The following SLC5A4 variants were observed in gnomAD, a reference collection of about 807,000 sequenced individuals.
SLC5A4 encodes solute carrier family 5 member 4, also known as probable glucose sensor protein SLC5A4.
In SLC5A4, 55 loss-of-function variants were observed where a neutral mutation model predicts 70.3. The observed-to-expected ratio is 0.78, with a 90% CI of 0.63 to 0.98. The LOEUF (loss-of-function observed/expected upper bound fraction) is 0.98. SLC5A4 is among the 50% of genes least tolerant of loss of function. The probability of loss-of-function intolerance (pLI) is 0.00; values close to 1 mark genes in which losing one functional copy is unlikely to be tolerated. For synonymous variants in SLC5A4, 268 were observed against 305.7 expected, an observed-to-expected ratio of 0.88 and a Z score of 1.29; for missense variants, 735 against 839.2, an observed-to-expected ratio of 0.88 and a Z score of 1.53.
At chr22:32,239,518 T>TTA (rs1173210993) in intron 5 of SLC5A4, among the ~76,000 whole-genome samples, 97 of 25,134 alleles carry the variant, frequency 3.9e-3, no homozygotes, top group Admixed American at 6.2e-3. Flanking sequence ...GGAGTGCATA[T>TTA]TATATATATA....
At chr22:32,302,945 A>G in the SLC5A4 span, among the ~76,000 whole-genome samples, 2 of 152,354 alleles carry the variant, frequency 1.3e-5, no homozygotes, top group South Asian at 2.1e-4. Flanking sequence ...GAGTATTTCA[A>G]TCTGTGAATA....
chr22:32,312,057 G>A, the SLC5A4 span, among the ~76,000 whole-genome samples: 1 of 152,146 alleles, frequency 6.6e-6, no homozygotes, highest in Non-Finnish European at 1.5e-5. Flanking sequence ...TGGTGAGAGG[G>A]AGAGTGCATG....
At chr22:32,270,517 C>T in the SLC5A4 span, 1 of 721,322 alleles carries the variant, frequency 1.4e-6, no homozygotes, top group Admixed American at 1.9e-5. Context: ...CCACCGCAGA[C>T]AGTGATTCCT....
chr22:32,270,439 G>T, the SLC5A4 span: 2 of 1,239,552 alleles, frequency 1.6e-6, no homozygotes, highest in Non-Finnish European at 2.3e-6. Flanking sequence ...GGTGCCTAAG[G>T]AGGAGAAAGA....
the SLC5A4 span, among the ~76,000 whole-genome samples, chr22:32,309,796 T>G: frequency 6.6e-6 from 1 of 152,028 alleles, no homozygotes; most frequent in Non-Finnish European, 1.5e-5. Flanking sequence ...GCAGAGGCTC[T>G]GAGAGGTTAA....
At chr22:32,350,892 T>C in the SLC5A4 span, among the ~76,000 whole-genome samples, 1 of 150,462 alleles carries the variant, frequency 6.6e-6, no homozygotes, top group African/African-American at 2.5e-5. Flanking sequence ...TGCATAAATT[T>C]CTAGAGAAAT....
the SLC5A4 span, among the ~76,000 whole-genome samples, chr22:32,282,148 C>T: frequency 4.6e-5 from 7 of 152,266 alleles, no homozygotes; most frequent in African/African-American, 1.2e-4. Flanking sequence ...CGGCCACTTC[C>T]GTGTTTCTTT....
chr22:32,271,567 G>A, the SLC5A4 span: 1 of 703,678 alleles, frequency 1.4e-6, no homozygotes, highest in Non-Finnish European at 2.6e-6. Context: ...GAGAGGGTCG[G>A]GCCCGGGGCC....
In SLC5A4 at chr22:32,253,261, T is replaced by C. The variant is rs117755765; in HGVS notation, c.207+881A>G. The stretch of plus-strand genomic sequence containing the variant: ...CACTCTCCAGGTGCAGAGGGGAAGA[T>C]ACAGCCTCTGCTGCAGTGGGACCCT... On this transcript the variant is annotated intron_variant, in intron 2 of 14. Transcript: ENST00000266086. Among the ~76,000 whole-genome samples the C allele has an allele frequency of 7.5e-3, 1,137 of 152,280 alleles. 4 individuals carry two copies. The highest frequency in any genetic ancestry group is 0.034 in the Middle Eastern group (10 of 294).
the SLC5A4 span, among the ~76,000 whole-genome samples, chr22:32,330,709 ATTGGG>A: frequency 5.4e-5 from 1 of 18,542 alleles, no homozygotes; most frequent in Non-Finnish European, 9.5e-5. Context: ...CTCTGTGTGT[ATTGGG>A]GGCTCTGGTG....
chr22:32,238,171 A>AAGGTG (rs1926172979), intron 6 of SLC5A4, among the ~76,000 whole-genome samples: 2 of 152,088 alleles, frequency 1.3e-5, no homozygotes, highest in South Asian at 4.1e-4. Flanking sequence ...AGGTGAAGCA[A>AAGGTG]TCATCTTTGT....
upstream of SLC5A4, among the ~76,000 whole-genome samples, chr22:32,257,645 C>T (rs770255952): frequency 3.5e-5 from 5 of 141,344 alleles, no homozygotes; most frequent in South Asian, 1.1e-3. Flanking sequence ...AGCCACTGAA[C>T]CCAGCAAGGT....
At chr22:32,292,767 T>G in the SLC5A4 span, among the ~76,000 whole-genome samples, 2 of 151,326 alleles carry the variant, frequency 1.3e-5, no homozygotes, top group South Asian at 4.1e-4. Context: ...TTGAATGCAT[T>G]GTTCTAGATA....
the SLC5A4 span, among the ~76,000 whole-genome samples, chr22:32,297,048 C>T: frequency 6.7e-6 from 1 of 150,054 alleles, no homozygotes; most frequent in Admixed American, 6.6e-5. Flanking sequence ...CTGCTGGATT[C>T]GTTTTGCCAG....
At chr22:32,239,547 TATATATA>T (rs1926305509) in intron 5 of SLC5A4, among the ~76,000 whole-genome samples, 10 of 13,170 alleles carry the variant, frequency 7.6e-4, no homozygotes, top group South Asian at 1.6e-3. Flanking sequence ...TATATATATA[TATATATA>T]TATATATATA....
chr22:32,317,480 A>G, the SLC5A4 span, among the ~76,000 whole-genome samples: 2 of 151,636 alleles, frequency 1.3e-5, no homozygotes, highest in Admixed American at 1.3e-4. Flanking sequence ...TTATTTTTTT[A>G]GAGACAGGCT....
chr22:32,224,247 A>T lies in SLC5A4; in HGVS notation c.1665+20T>A. ...GAACTCTTATTTAAAATTAGCATGT[A>T]TTCATTACTCATCACTCACATGTAC... On this transcript the variant is annotated intron_variant, in intron 13 of 14. Coordinates refer to ENST00000266086, the MANE Select transcript of SLC5A4 (RefSeq NM_014227.3). 78 of 1,223,270 alleles carry T rather than the reference A, an allele frequency of 6.4e-5. No individual in the cohort carries two copies. Among genetic ancestry groups the T allele is most frequent in the Non-Finnish European group, 8.9e-5 (73 of 824,474 alleles). 75.8% of individuals were successfully genotyped at this position (1,223,270 alleles called of 1,614,324 possible). A position where few individuals can be genotyped will look rare whatever the true frequency, so the allele number is the denominator to read the frequency against.
At chr22:32,221,722 C>T (rs1420736086) in intron 13 of SLC5A4, among the ~76,000 whole-genome samples, 1 of 151,968 alleles carries the variant, frequency 6.6e-6, no homozygotes, top group Non-Finnish European at 1.5e-5. Context: ...AAGGAAATTG[C>T]TCCAAGTATC....
At chr22:32,248,879 G>C in intron 3 of SLC5A4, 77 bp from the exon 4 acceptor site, 1 of 966,592 alleles carries the variant, frequency 1.0e-6, no homozygotes, top group Admixed American at 1.8e-5. Context: ...TATGACCTCT[G>C]AGTCTGGAAA....
Sources: gnomAD v4.1 joint callset for allele counts (sites outside exome capture counted in the v4.1 genomes callset) on GRCh38, gnomAD v4.1.1 for gene constraint, MANE v1.5 for transcripts, NCBI Gene and HGNC (gene_info 2026-07-23, HGNC 2026-07-21) for gene names.